MTOR: variants seen among roughly 807,000 people sequenced by gnomAD.
The protein encoded by MTOR is mechanistic target of rapamycin kinase.
MTOR carries 70 observed loss-of-function variants against 319.8 expected under a neutral mutation model. That is an observed-to-expected ratio of 0.22 (90% CI 0.18 to 0.27). MTOR has a LOEUF of 0.27. Ranked by LOEUF, MTOR falls within the 10% of genes least tolerant of loss-of-function variation. MTOR has a pLI of 1.00. For missense variants in MTOR, 1,890 were observed against 3,274.4 expected, an observed-to-expected ratio of 0.58 and a Z score of 10.32; for synonymous variants, 1,183 against 1,211.4, an observed-to-expected ratio of 0.98 and a Z score of 0.49.
chr1:11,226,330 C>T (rs753630414), intron 19 of MTOR: 1 of 151,786 alleles, frequency 6.6e-6, no homozygotes, highest in African/African-American at 2.4e-5. Context: ...GCAAGGATAA[C>T]AGGCAAATTT....
chr1:11,180,776 G>C (rs966980275), intron 28 of MTOR, among the ~76,000 whole-genome samples: 1 of 151,354 alleles, frequency 6.6e-6, no homozygotes, highest in African/African-American at 2.4e-5. Context: ...CCAGAAATAA[G>C]GCAGGTTTTT....
chr1:11,252,506 T>C (rs1649827335), intron 6 of MTOR, among the ~76,000 whole-genome samples: 2 of 152,064 alleles, frequency 1.3e-5, no homozygotes, highest in Admixed American at 6.6e-5. Context: ...GCCAACATCA[T>C]ATAGAAACCG....
intron 6 of MTOR, among the ~76,000 whole-genome samples, chr1:11,252,108 C>T (rs148674968): frequency 1.9e-4 from 29 of 152,196 alleles, no homozygotes; most frequent in South Asian, 2.1e-4. Context: ...CAAGTCCCTC[C>T]GATAAAGTAG....
In MTOR at chr1:11,238,503, A is replaced by C; in HGVS notation, c.1901T>G (p.Ile634Ser). 5.0e-6 allele frequency: 8 copies of C among 1,614,194 alleles called. No homozygotes were observed. Among genetic ancestry groups the C allele is most frequent in the Non-Finnish European group, 6.8e-6 (8 of 1,180,036 alleles). ...ATGAGCATGGCCACTGATGAGGTGG[A>C]TGGAGGGTGTGAGCAGGCGGGAGCA... is the stretch of plus-strand genomic sequence containing the variant. ...RTCSRLLTPS[I>S]HLISGHAHVV... The change falls in exon 12 of 58, where the codon ATC becomes AGC. Residue 634 changes from isoleucine to serine, a missense_variant. Ile to Ser is a moderately radical substitution (Grantham distance 142, BLOSUM62 -2). This residue lies in a region of MTOR where 418 missense variants were observed against 543.1 expected (regional missense o/e 0.77). Transcript: ENST00000361445.
rs1647432818 is a variant in MTOR, at chr1:11,237,968, C to T, written c.2083G>A (p.Ala695Thr). ...AHLAQAENLQ[A>T]LFVALNDQVF... The stretch of plus-strand genomic sequence containing the variant: ...TGGTCATTCAGAGCCACAAACAAGG[C>T]CTGCAAGTTCTCCGCCTGGGCCAGG... Residue 695 changes from alanine to threonine, a missense_variant, in exon 13 of 58, where the codon GCC becomes ACC. Ala to Thr is a moderately conservative substitution (Grantham distance 58, BLOSUM62 0). Transcript: ENST00000361445. 6.2e-7 allele frequency: 1 copy of T among 1,614,216 alleles called. No homozygotes were observed. The highest frequency in any genetic ancestry group is 8.5e-7 in the Non-Finnish European group (1 of 1,180,040).
intron 47 of MTOR, among the ~76,000 whole-genome samples, chr1:11,123,453 G>A (rs1642650590): frequency 1.4e-5 from 2 of 144,438 alleles, no homozygotes; most frequent in African/African-American, 5.2e-5. Context: ...TTACAGGCGT[G>A]AGTCACTGTG....
Position 11,205,297 on chromosome 1 carries a change from A to G in MTOR, c.3802-594T>C, listed in dbSNP as rs77860526. Among the ~76,000 whole-genome samples, 3 of 152,198 alleles carry G rather than the reference A, an allele frequency of 2.0e-5. No individual in the cohort carries two copies. The East Asian group carries it at 5.8e-4, about 29-fold the overall frequency. ...GGGCAGCTTATTCAGGTGGGTGGAA[A>G]GGCTGAGGTTTTGGAGAACAGTATA... On this transcript the variant is annotated intron_variant, in intron 25 of 57. Transcript: ENST00000361445.
chr1:11,218,444 G>A (rs1383533701), intron 19 of MTOR, among the ~76,000 whole-genome samples: 1 of 151,560 alleles, frequency 6.6e-6, no homozygotes, highest in Non-Finnish European at 1.5e-5. Context: ...AAAAAAAAAT[G>A]TTATTACAAA....
chr1:11,233,735 A>C lies in MTOR; in HGVS notation c.2332-248T>G, dbSNP rs11121703. ...TATTTCTCATGTCTCCTCTAAACCG[A>C]GTCTCAGTGATTGTTCATCCAGATT... On this transcript the variant is annotated intron_variant, in intron 14 of 57. Transcript: ENST00000361445. Among the ~76,000 whole-genome samples, 92,963 of 152,084 alleles carry C rather than the reference A, an allele frequency of 0.61. 31,472 individuals carry two copies. Among genetic ancestry groups the C allele is most frequent in the East Asian group, 0.87 (4,485 of 5,172 alleles).
At chr1:11,200,233 T>C (rs1377710233) in intron 26 of MTOR, among the ~76,000 whole-genome samples, 1 of 152,180 alleles carries the variant, frequency 6.6e-6, no homozygotes, top group East Asian at 1.9e-4. Flanking sequence ...ATTCTTAAGG[T>C]CAGAAATGTC....
chr1:11,195,242 C>T (rs1177961794), intron 28 of MTOR: 1 of 536,876 alleles, frequency 1.9e-6, no homozygotes, highest in Non-Finnish European at 3.3e-6. Context: ...GGTCCTGCCA[C>T]ATCCTTCTCA....
intron 28 of MTOR, among the ~76,000 whole-genome samples, chr1:11,170,047 G>A (rs1644764385): frequency 6.6e-6 from 1 of 152,226 alleles, no homozygotes; most frequent in African/African-American, 2.4e-5. Flanking sequence ...GGGAAGCTAT[G>A]CGGCTGGTGC....
At chr1:11,258,107 C>CA (rs35956330) in intron 3 of MTOR, among the ~76,000 whole-genome samples, 84,796 of 135,980 alleles carry the variant, frequency 0.62, 28,145 homozygotes, top group East Asian at 0.86. Context: ...GACTCCATCT[C>CA]AAAAAAAAAA....
In MTOR at chr1:11,128,312, A is replaced by C. The variant is rs536285823; in HGVS notation, c.5910+142T>G. Reference sequence around the variant, plus strand: ...TAGCAAGGCTCCCGGGCCCTCTGGGACGGCTGGCTGGACAGACCCTCCTGG... The same window carrying C: ...TAGCAAGGCTCCCGGGCCCTCTGGGCCGGCTGGCTGGACAGACCCTCCTGG... On this transcript the variant is annotated intron_variant, in intron 42 of 57. Coordinates refer to ENST00000361445, the MANE Select transcript of MTOR (RefSeq NM_004958.4). This position sits in a 1 kb window ranked among gnomAD's most constrained non-coding sequence, Gnocchi z 5.3. The C allele has an allele frequency of 2.0e-5, 25 of 1,225,928 alleles. No homozygotes were observed. The East Asian group carries it at 5.6e-4, about 28-fold the overall frequency. The allele number at this position is 1,225,928 out of a possible 1,614,324, so 75.9% of individuals were successfully genotyped here. A position where few individuals can be genotyped will look rare whatever the true frequency, so the allele number is the denominator to read the frequency against.
chr1:11,251,438 A>G (rs1180982759), intron 6 of MTOR, among the ~76,000 whole-genome samples: 2 of 151,952 alleles, frequency 1.3e-5, no homozygotes, highest in Non-Finnish European at 2.9e-5. Flanking sequence ...TCCTTGCCCT[A>G]CTTTTCTCCA....
chr1:11,198,971 C>T (rs1205675709), intron 28 of MTOR, among the ~76,000 whole-genome samples: 1 of 152,176 alleles, frequency 6.6e-6, no homozygotes, highest in African/African-American at 2.4e-5. Flanking sequence ...TCCTAGGCTG[C>T]CATGGCCACA....
chr1:11,185,067 C>T (rs1212221931), intron 28 of MTOR, among the ~76,000 whole-genome samples: 2 of 152,138 alleles, frequency 1.3e-5, no homozygotes, highest in Admixed American at 1.3e-4. Flanking sequence ...TCTTTAAAAC[C>T]TAGGTATCAC....
intron 25 of MTOR, among the ~76,000 whole-genome samples, chr1:11,206,413 C>T (rs1459717096): frequency 6.6e-6 from 1 of 152,158 alleles, no homozygotes; most frequent in African/African-American, 2.4e-5. Context: ...ACCATTGATG[C>T]TAGTTGACAC....
Position 11,247,985 on chromosome 1 carries a change from G to A in MTOR, c.950C>T (p.Thr317Ile). 6.2e-7 allele frequency: 1 copy of A among 1,614,176 alleles called. No individual in the cohort carries two copies. ...CTGGGGCTGTACAGCCTGGAAACTG[G>A]TGAAGGGGGTAATGTGACGAGGTTT... ...GTKPRHITPF[T>I]SFQAVQPQQS... The change falls in exon 7 of 58, where the codon ACC (threonine) becomes ATC (isoleucine). Residue 317 changes from threonine to isoleucine, a missense_variant. Around this residue, in one of 15 missense-constraint regions of MTOR, gnomAD observed 418 missense variants for 543.1 expected, o/e 0.77. Transcript: ENST00000361445.
Sources: allele counts gnomAD v4.1 joint callset (sites outside exome capture counted in the v4.1 genomes callset), GRCh38; gene constraint gnomAD v4.1.1; regional missense constraint gnomAD v4.1.1; non-coding constraint Gnocchi (gnomAD v3.1); transcripts MANE v1.5; gene names NCBI Gene and HGNC (gene_info 2026-07-23, HGNC 2026-07-21).